HEPH: variants seen among roughly 807,000 people sequenced by gnomAD.
HEPH encodes hephaestin.
Under a neutral mutation model 80.8 loss-of-function variants are expected in HEPH, and 69 were observed. The observed-to-expected ratio is 0.85, with a 90% CI of 0.70 to 1.04. HEPH has a LOEUF of 1.04. HEPH is among the 50% of genes least tolerant of loss of function. The pLI is 0.00. For synonymous variants in HEPH, 431 were observed against 322.8 expected, an observed-to-expected ratio of 1.34 and a Z score of -3.60; for missense variants, 1,115 against 891.3, an observed-to-expected ratio of 1.25 and a Z score of -3.20.
intron 1 of HEPH, among the ~76,000 whole-genome samples, chrX:66,164,883 TAA>T (rs779038127): frequency 8.9e-6 from 1 of 112,306 alleles, no homozygotes; most frequent in African/African-American, 3.2e-5. Flanking sequence ...AGTAAGCCAA[TAA>T]ATGATAGCTT....
rs867297300 is a variant in HEPH, at chrX:66,181,148, G to A, written c.626-7211G>A. Among the ~76,000 whole-genome samples the A allele has an allele frequency of 8.3e-3, 146 of 17,635 alleles. 2 individuals carry two copies. The highest frequency in any genetic ancestry group is 6.5e-3 in the Non-Finnish European group (84 of 12,923). The allele number at this position is 17,635 out of a possible 115,157, so 15.3% of individuals were successfully genotyped here. On this transcript the variant is annotated intron_variant, in intron 4 of 20. Coordinates refer to ENST00000343002, the MANE Select transcript of HEPH (RefSeq NM_001367233.3). Reference sequence around the variant, plus strand: ...AGTCTTTGCTATTGTGAATAGTGCCGCAATAAACATATGTGTGCATGTGTC... The same window carrying A: ...AGTCTTTGCTATTGTGAATAGTGCCACAATAAACATATGTGTGCATGTGTC...
intron 15 of HEPH, among the ~76,000 whole-genome samples, chrX:66,234,268 A>C (rs754577194): frequency 4.5e-5 from 5 of 111,297 alleles, no homozygotes; most frequent in African/African-American, 1.6e-4. Context: ...TGCGTAATCT[A>C]CAGTGTACTT....
At chrX:66,253,582 C>A (rs1429455964) in intron 15 of HEPH, among the ~76,000 whole-genome samples, 5 of 111,736 alleles carry the variant, frequency 4.5e-5, no homozygotes, top group Non-Finnish European at 1.9e-5. Context: ...TTAAACATAG[C>A]ATTACCATAC....
At chrX:66,169,231 C>G (rs1395697212) in intron 1 of HEPH, among the ~76,000 whole-genome samples, 1 of 111,832 alleles carries the variant, frequency 8.9e-6, no homozygotes, top group African/African-American at 3.2e-5. Flanking sequence ...CTGTGTAAAA[C>G]ATTTGGAACA....
intron 15 of HEPH, among the ~76,000 whole-genome samples, chrX:66,249,477 G>T (rs1286777621): frequency 9.0e-6 from 1 of 111,611 alleles, no homozygotes; most frequent in Non-Finnish European, 1.9e-5. Context: ...GGCTTGAGGA[G>T]TGTATTGAAA....
Position 66,258,970 on chromosome X carries a change from C to G in HEPH, c.3027C>G (p.Phe1009Leu). 8.3e-7 allele frequency: 1 copy of G among 1,198,738 alleles called. No homozygotes were observed. Among genetic ancestry groups the G allele is most frequent in the East Asian group, 3.0e-5 (1 of 33,486 alleles). The change falls in exon 18 of 21, where the codon TTC (phenylalanine) becomes TTG (leucine). Residue 1009 changes from phenylalanine to leucine, a missense_variant. Phe to Leu is a conservative substitution (Grantham distance 22, BLOSUM62 0). Around this residue, in one of 3 missense-constraint regions of HEPH, gnomAD observed 716 missense variants for 523.5 expected, o/e 1.37. Coordinates refer to ENST00000343002, the MANE Select transcript of HEPH (RefSeq NM_001367233.3). Reference sequence around the variant, plus strand: ...CCATCCACTTTCATGCAGAGAGCTTCCTCTATCGGGTGAGCTGGAAAATGG... The same window carrying G: ...CCATCCACTTTCATGCAGAGAGCTTGCTCTATCGGGTGAGCTGGAAAATGG... ...LHTIHFHAES[F>L]LYRNGENYRA...
chrX:66,219,201 G>A (rs2089532539), intron 15 of HEPH, among the ~76,000 whole-genome samples: 1 of 112,145 alleles, frequency 8.9e-6, no homozygotes, highest in Non-Finnish European at 1.9e-5. Flanking sequence ...GAAGCAGTAA[G>A]CAGGTTTCTA....
intron 19 of HEPH, among the ~76,000 whole-genome samples, chrX:66,263,154 T>C (rs2091421911): frequency 9.0e-6 from 1 of 111,600 alleles, no homozygotes; most frequent in Admixed American, 9.5e-5. Context: ...AAGAGATATG[T>C]TTTTACAAAA....
Position 66,170,629 on chromosome X carries a change from T to C in HEPH, c.59T>C (p.Leu20Pro), listed in dbSNP as rs1390994646. ...TTCATGCAGTCCTTGTGGCCTCAAC[T>C]GACTGATGGAGCCACTCGAGTCTAC... ...LLFMQSLWPQ[L>P]TDGATRVYYL... Residue 20 changes from leucine (L) to proline (P), a missense_variant, in exon 2 of 21, where the codon CTG becomes CCG. Around this residue, in one of 3 missense-constraint regions of HEPH, gnomAD observed 391 missense variants for 343.6 expected, o/e 1.14. Coordinates refer to ENST00000343002, the MANE Select transcript of HEPH (RefSeq NM_001367233.3). 9.9e-6 allele frequency: 12 copies of C among 1,210,065 alleles called. No homozygotes were observed. Among genetic ancestry groups the C allele is most frequent in the African/African-American group, 1.7e-5 (1 of 57,754 alleles).
intron 15 of HEPH, among the ~76,000 whole-genome samples, chrX:66,250,719 T>C (rs1339304779): frequency 1.8e-5 from 2 of 112,239 alleles, no homozygotes; most frequent in Non-Finnish European, 3.8e-5. Context: ...TCTCTGGAGA[T>C]TCATCTAAGT....
At chrX:66,220,797 A>G (rs1418332596) in intron 15 of HEPH, among the ~76,000 whole-genome samples, 1 of 111,132 alleles carries the variant, frequency 9.0e-6, no homozygotes, top group Non-Finnish European at 1.9e-5. Context: ...TCAGACCTTA[A>G]TCTTACTTCA....
At chrX:66,202,924 TATATATATATATATACAC>T (rs1340673281) in intron 12 of HEPH, among the ~76,000 whole-genome samples, 1 of 101,673 alleles carries the variant, frequency 9.8e-6, no homozygotes, top group African/African-American at 3.7e-5. Flanking sequence ...TATATATATA[TATATATATATATATACAC>T]ACACACACAC....
chrX:66,200,667 T>C lies in HEPH; in HGVS notation c.1992T>C (p.Thr664=), dbSNP rs2088387663. 1.7e-6 allele frequency: 2 copies of C among 1,209,805 alleles called. No homozygotes were observed. The change falls in exon 12 of 21, where the codon ACT becomes ACC. Residue 664 remains threonine (T), a synonymous_variant. Transcript: ENST00000343002. ...DVHGVMFQGN[T]VQLQGMRKGA... ...ATGGAGTCATGTTCCAGGGCAACAC[T>C]GTGCAGCTTCAGGGCATGAGGAAGG...
chrX:66,260,288 T>A (rs748372530), intron 19 of HEPH, 26 bp downstream of exon 19: 1 of 1,158,068 alleles, frequency 8.6e-7, no homozygotes, highest in Non-Finnish European at 1.2e-6. Flanking sequence ...CCCAAAATGA[T>A]CATCTTCTAA....
intron 17 of HEPH, among the ~76,000 whole-genome samples, chrX:66,257,672 T>C (rs1330700479): frequency 2.7e-5 from 3 of 112,269 alleles, no homozygotes; most frequent in Admixed American, 1.9e-4. Context: ...GAATCGGCTA[T>C]TGCCCATTTC....
intron 15 of HEPH, among the ~76,000 whole-genome samples, chrX:66,250,034 A>G (rs192812869): frequency 9.7e-4 from 108 of 111,277 alleles, no homozygotes; most frequent in Non-Finnish European, 1.6e-3. Flanking sequence ...AAAAGAATGG[A>G]GTCAGGAGGA....
chrX:66,200,687 G>A lies in HEPH; in HGVS notation c.2012G>A (p.Arg671Lys), dbSNP rs550315184. Reference protein sequence around the residue: ...QGNTVQLQGMRKGAAMLFPHT... With the variant: ...QGNTVQLQGMKKGAAMLFPHT... ...AACACTGTGCAGCTTCAGGGCATGA[G>A]GAAGGGTGCAGCTATGCTCTTTCCT... is the stretch of plus-strand genomic sequence containing the variant. The change falls in exon 12 of 21, where the codon AGG becomes AAG. Residue 671 changes from arginine (R) to lysine (K), a missense_variant. Physicochemically the swap from Arg to Lys is conservative, Grantham distance 26. This residue lies in a region of HEPH where 716 missense variants were observed against 523.5 expected (regional missense o/e 1.37). Coordinates refer to ENST00000343002, the MANE Select transcript of HEPH (RefSeq NM_001367233.3). 9 of 1,211,719 alleles carry A rather than the reference G, an allele frequency of 7.4e-6. No homozygotes were observed. The South Asian group carries it at 1.2e-4, about 17-fold the overall frequency.
intron 15 of HEPH, among the ~76,000 whole-genome samples, chrX:66,209,593 T>C (rs1376282041): frequency 8.9e-6 from 1 of 111,950 alleles, no homozygotes; most frequent in African/African-American, 3.2e-5. Context: ...TTGAAGTTGG[T>C]GTAAAGGAAA....
chrX:66,264,566 G>A (rs954134955), intron 20 of HEPH, among the ~76,000 whole-genome samples: 1 of 108,770 alleles, frequency 9.2e-6, no homozygotes, highest in South Asian at 3.9e-4. Flanking sequence ...CTCTGGACTA[G>A]GAAAGATCCA....
Sources: gnomAD v4.1 joint callset for allele counts (sites outside exome capture counted in the v4.1 genomes callset) on GRCh38, gnomAD v4.1.1 for gene constraint, gnomAD v4.1.1 regional missense constraint, MANE v1.5 for transcripts, NCBI Gene and HGNC (gene_info 2026-07-23, HGNC 2026-07-21) for gene names.